The following CDKL5 variants were observed in gnomAD, a reference collection of about 807,000 sequenced individuals.
CDKL5 encodes cyclin-dependent kinase-like 5.
A neutral mutation model predicts 61.7 loss-of-function variants in CDKL5; 8 were observed. The ratio of observed to expected loss-of-function variants is 0.13; its 90% CI spans 0.08 to 0.23. CDKL5 has a LOEUF of 0.23. CDKL5 is among the 10% of genes least tolerant of loss of function. The pLI is 1.00. For synonymous variants in CDKL5, 275 were observed against 272.3 expected, an observed-to-expected ratio of 1.01 and a Z score of -0.10; for missense variants, 440 against 734.5, an observed-to-expected ratio of 0.60 and a Z score of 4.63.
At chrX:18,647,061 C>T in intron 20 of CDKL5, 1 of 707,468 alleles carries the variant, frequency 1.4e-6, no homozygotes, top group Admixed American at 2.7e-5. Context: ...GGATTACAGG[C>T]ACGTGCCACC....
At chrX:18,509,197 G>GCACGCGCGCACACACACACACA (rs1204561636) in intron 2 of CDKL5, among the ~76,000 whole-genome samples, 4 of 64,308 alleles carry the variant, frequency 6.2e-5, no homozygotes, top group South Asian at 1.1e-3. Context: ...CTCAAAACAC[G>GCACGCGCGCACACACACACACA]CACACACACA....
Position 18,634,018 on chromosome X carries a change from C to T in CDKL5, c.*5261C>T, listed in dbSNP as rs183819578. On this transcript the variant is annotated 3_prime_UTR_variant, in exon 18 of 18. Transcript: ENST00000623535. ...TGGATTTGTAGGGCCAGCAAAATTG[C>T]GGCAGTGAAACTAGTTTCACTTCTA... 17 of 752,092 alleles carry T rather than the reference C, an allele frequency of 2.3e-5. No individual in the cohort carries two copies. The highest frequency in any genetic ancestry group is 2.5e-5 in the Non-Finnish European group (16 of 638,859). 62.0% of individuals were successfully genotyped at this position (752,092 alleles called of 1,213,427 possible).
At chrX:18,466,335 T>C (rs1461082435) in intron 1 of CDKL5, among the ~76,000 whole-genome samples, 5 of 112,303 alleles carry the variant, frequency 4.5e-5, no homozygotes, top group African/African-American at 1.6e-4. Context: ...GACAGTGTTA[T>C]AAATGTTCCT....
chrX:18,575,334 C>T lies in CDKL5; in HGVS notation c.146-20C>T, dbSNP rs1569212942. 6.7e-6 allele frequency: 8 copies of T among 1,200,923 alleles called. No homozygotes were observed. Among genetic ancestry groups the T allele is most frequent in the East Asian group, 3.0e-5 (1 of 33,672 alleles). The stretch of plus-strand genomic sequence containing the variant: ...TTGAAAGTTTTCATTTTAGTCTCTT[C>T]ACCATTGTTTACATTCTAGAAAATG... On this transcript the variant is annotated intron_variant, in intron 4 of 17. Transcript: ENST00000623535.
intron 3 of CDKL5, among the ~76,000 whole-genome samples, chrX:18,514,811 T>G (rs184065250): frequency 9.0e-6 from 1 of 110,703 alleles, no homozygotes; most frequent in African/African-American, 3.3e-5. Context: ...TGTTTTTTGG[T>G]TTTTTTTGTG....
intron 12 of CDKL5, among the ~76,000 whole-genome samples, chrX:18,606,294 G>A (rs1926365828): frequency 8.9e-6 from 1 of 112,248 alleles, no homozygotes; most frequent in Non-Finnish European, 1.9e-5. Flanking sequence ...GTCATTGTGA[G>A]CAGAAGCAGT....
intron 1 of CDKL5, among the ~76,000 whole-genome samples, chrX:18,486,123 A>G (rs1921783854): frequency 9.0e-6 from 1 of 111,428 alleles, no homozygotes; most frequent in African/African-American, 3.3e-5. Flanking sequence ...CCTGGATTTC[A>G]GATATGCTGC....
Position 18,634,830 on chromosome X carries a change from C to T in CDKL5, c.*6073C>T, listed in dbSNP as rs182522517. 8.6e-4 allele frequency: 638 copies of T among 745,927 alleles called. 7 individuals carry two copies. The highest frequency in any genetic ancestry group is 3.1e-3 in the Admixed American group (34 of 10,892). 61.5% of individuals were successfully genotyped at this position (745,927 alleles called of 1,213,427 possible). A position where few individuals can be genotyped will look rare whatever the true frequency, so the allele number is the denominator to read the frequency against. ...AATTCAGGTAGTTATTCTGTATATA[C>T]TTAGCTAACTATTCAGAGCTTCTTC... On this transcript the variant is annotated 3_prime_UTR_variant, in exon 18 of 18. Coordinates refer to ENST00000623535, the MANE Select transcript of CDKL5 (RefSeq NM_001323289.2).
intron 9 of CDKL5, among the ~76,000 whole-genome samples, chrX:18,593,819 A>G (rs1385856483): frequency 2.7e-5 from 3 of 112,237 alleles, no homozygotes; most frequent in African/African-American, 6.5e-5. Flanking sequence ...CTACTCCTCT[A>G]TCTGGAAGGT....
At chrX:18,648,971 C>G (rs1171773590) in intron 20 of CDKL5, among the ~76,000 whole-genome samples, 1 of 106,058 alleles carries the variant, frequency 9.4e-6, no homozygotes, top group Non-Finnish European at 1.9e-5. Context: ...TTGCTTGAGC[C>G]TAGGAGTCTG....
chrX:18,565,593 A>G lies in CDKL5; in HGVS notation c.145+1071A>G, dbSNP rs1054531115. On this transcript the variant is annotated intron_variant, in intron 4 of 17. Coordinates refer to ENST00000623535, the MANE Select transcript of CDKL5 (RefSeq NM_001323289.2). ...CAGCACACATCCCCTAAGTGATGTAAGACACCAGCCTCTATATTTATGAAC... is the reference window on the plus strand; with the variant it reads ...CAGCACACATCCCCTAAGTGATGTAGGACACCAGCCTCTATATTTATGAAC... 8.0e-5 allele frequency among the ~76,000 whole-genome samples: 9 copies of G among 112,210 alleles called. 1 individual carries two copies. The highest frequency in any genetic ancestry group is 9.5e-5 in the Admixed American group (1 of 10,543).
At chrX:18,625,036 T>C (rs1454791646) in intron 16 of CDKL5, 92 bp from the exon 17 acceptor site, 2 of 915,539 alleles carry the variant, frequency 2.2e-6, no homozygotes, top group East Asian at 6.2e-5. Context: ...TTTGGTTTGC[T>C]TTTTAGTTTG....
At chrX:18,566,432 A>G (rs1211072691) in intron 4 of CDKL5, among the ~76,000 whole-genome samples, 2 of 113,193 alleles carry the variant, frequency 1.8e-5, no homozygotes, top group Non-Finnish European at 3.7e-5. Context: ...CTGGGATTAC[A>G]GGCGTGAGCC....
chrX:18,471,385 T>G (rs1192375591), intron 1 of CDKL5, among the ~76,000 whole-genome samples: 1 of 111,647 alleles, frequency 9.0e-6, no homozygotes, highest in Non-Finnish European at 1.9e-5. Flanking sequence ...TTTATTAATT[T>G]TTTTTGAGAC....
chrX:18,449,743 A>ATTTTC (rs1338956065), intron 1 of CDKL5, among the ~76,000 whole-genome samples: 1 of 109,032 alleles, frequency 9.2e-6, no homozygotes, highest in Non-Finnish European at 1.9e-5. Flanking sequence ...TTTTTCCTGC[A>ATTTTC]TTTTCTTTTC....
chrX:18,631,786 C>T lies in CDKL5; in HGVS notation c.*3029C>T. The T allele has an allele frequency of 1.3e-6, 1 of 753,170 alleles. No individual in the cohort carries two copies. Among genetic ancestry groups the T allele is most frequent in the Non-Finnish European group, 1.6e-6 (1 of 638,438 alleles). The allele number at this position is 753,170 out of a possible 1,213,427, so 62.1% of individuals were successfully genotyped here. A position where few individuals can be genotyped will look rare whatever the true frequency, so the allele number is the denominator to read the frequency against. On this transcript the variant is annotated 3_prime_UTR_variant, in exon 18 of 18. Coordinates refer to ENST00000623535, the MANE Select transcript of CDKL5 (RefSeq NM_001323289.2). The stretch of plus-strand genomic sequence containing the variant: ...AGTTCTAAATACCCTTTAACTGAAC[C>T]TTGTTGGTCTTGCTCTAAAATTTAG...
chrX:18,529,639 GT>G (rs887786245), intron 3 of CDKL5, among the ~76,000 whole-genome samples: 4 of 106,960 alleles, frequency 3.7e-5, no homozygotes, highest in Non-Finnish European at 5.8e-5. Flanking sequence ...TTGAGGTAGA[GT>G]TTTTTTTTTC....
chrX:18,472,793 A>T (rs1340364541), intron 1 of CDKL5, among the ~76,000 whole-genome samples: 8 of 108,096 alleles, frequency 7.4e-5, no homozygotes, highest in Admixed American at 2.0e-4. Context: ...TTTTTTTTTT[A>T]AATGTGGATA....
At chrX:18,645,490 A>G (rs1433643436) in intron 19 of CDKL5, among the ~76,000 whole-genome samples, 2 of 108,041 alleles carry the variant, frequency 1.9e-5, no homozygotes, top group Non-Finnish European at 3.8e-5. Context: ...CCATCCTTGC[A>G]TGTGTCCATG....
Sources: gnomAD v4.1 joint callset for allele counts (sites outside exome capture counted in the v4.1 genomes callset) on GRCh38, gnomAD v4.1.1 for gene constraint, MANE v1.5 for transcripts, NCBI Gene and HGNC (gene_info 2026-07-23, HGNC 2026-07-21) for gene names.